Variants in YTHDF3 observed in about 807,000 individuals in gnomAD.
YTHDF3 encodes YTH N6-methyladenosine RNA binding protein F3.
A neutral mutation model predicts 52.5 loss-of-function variants in YTHDF3; 9 were observed. That is an observed-to-expected ratio of 0.17 (90% CI 0.10 to 0.30). The LOEUF is 0.30. YTHDF3 is among the 10% of genes least tolerant of loss of function. The pLI is 1.00. For missense variants in YTHDF3, 534 were observed against 715.0 expected, an observed-to-expected ratio of 0.75 and a Z score of 2.89; for synonymous variants, 274 against 243.3, an observed-to-expected ratio of 1.13 and a Z score of -1.18.
chr8:63,174,771 T>C (rs1563392731), intron 2 of YTHDF3, among the ~76,000 whole-genome samples: 1 of 152,230 alleles, frequency 6.6e-6, no homozygotes, highest in Non-Finnish European at 1.5e-5. Flanking sequence ...TATTTAGATA[T>C]TTCATAATTA....
intron 1 of YTHDF3, 164 bp downstream of exon 1, chr8:63,169,065 G>T: frequency 7.1e-7 from 1 of 1,399,650 alleles, no homozygotes; most frequent in Non-Finnish European, 9.2e-7. Context: ...GTGCGCCCTG[G>T]CCCCGTAGCT....
intron 3 of YTHDF3, among the ~76,000 whole-genome samples, chr8:63,183,324 A>G (rs1467245300): frequency 1.3e-5 from 2 of 152,066 alleles, no homozygotes; most frequent in African/African-American, 4.8e-5. Flanking sequence ...CATTTTTATT[A>G]AACTTTTGAG....
At chr8:63,174,138 G>A (rs554026021) in intron 2 of YTHDF3, among the ~76,000 whole-genome samples, 2 of 152,248 alleles carry the variant, frequency 1.3e-5, no homozygotes, top group South Asian at 2.1e-4. Context: ...ATTTAAACCC[G>A]TCACCCTCCT....
intron 2 of YTHDF3, among the ~76,000 whole-genome samples, chr8:63,170,172 G>T (rs911495754): frequency 6.6e-6 from 1 of 152,082 alleles, no homozygotes; most frequent in African/African-American, 2.4e-5. Context: ...CTGCTTTCTT[G>T]GGATAGTGCC....
At chr8:63,181,801 A>G (rs1289293351) in intron 3 of YTHDF3, among the ~76,000 whole-genome samples, 1 of 152,164 alleles carries the variant, frequency 6.6e-6, no homozygotes, top group Non-Finnish European at 1.5e-5. Flanking sequence ...TATAGCATTC[A>G]TGTTTATTAA....
intron 3 of YTHDF3, among the ~76,000 whole-genome samples, chr8:63,176,687 C>A (rs78802755): frequency 2.5e-4 from 34 of 134,478 alleles, no homozygotes; most frequent in African/African-American, 8.5e-4. Flanking sequence ...TTTTTTTTTT[C>A]TTTAATTTTT....
chr8:63,169,422 A>C lies in YTHDF3; in HGVS notation c.49+11A>C. 7.6e-7 allele frequency: 1 copy of C among 1,308,196 alleles called. No individual in the cohort carries two copies. 81.0% of individuals were successfully genotyped at this position (1,308,196 alleles called of 1,614,324 possible). A position where few individuals can be genotyped will look rare whatever the true frequency, so the allele number is the denominator to read the frequency against. On this transcript the variant is annotated intron_variant, in intron 2 of 4. Coordinates refer to ENST00000539294, the MANE Select transcript of YTHDF3 (RefSeq NM_152758.6). ...GGCAAGGAAATAAAGGTGAGTTTGG[A>C]TTTTTTTTTTTCTTATTGCTCAATG...
At chr8:63,197,128 T>G (rs1177465756) in intron 4 of YTHDF3, among the ~76,000 whole-genome samples, 5 of 152,176 alleles carry the variant, frequency 3.3e-5, no homozygotes, top group African/African-American at 1.2e-4. Flanking sequence ...AAATAAAATT[T>G]CTAGATAGCC....
At chr8:63,203,470 A>C (rs1053832177) in intron 4 of YTHDF3, among the ~76,000 whole-genome samples, 4 of 152,234 alleles carry the variant, frequency 2.6e-5, no homozygotes, top group African/African-American at 7.2e-5. Context: ...GATTTTTAAA[A>C]AACTTTATTT....
intron 3 of YTHDF3, among the ~76,000 whole-genome samples, chr8:63,179,707 A>C (rs1001397372): frequency 1.1e-4 from 17 of 152,178 alleles, no homozygotes; most frequent in African/African-American, 4.1e-4. Flanking sequence ...CATCGCCATC[A>C]TGGCCCGTTC....
intron 4 of YTHDF3, among the ~76,000 whole-genome samples, chr8:63,190,313 T>C (rs749767619): frequency 6.6e-6 from 1 of 152,080 alleles, no homozygotes; most frequent in Non-Finnish European, 1.5e-5. Context: ...TTTTTTTTTT[T>C]CTACCAAACT....
chr8:63,186,787 G>T lies in YTHDF3; in HGVS notation c.776G>T (p.Gly259Val). The change falls in exon 4 of 5, where the codon GGA becomes GTA. Residue 259 changes from glycine to valine, a missense_variant. By Grantham distance (109) the Gly-to-Val change is moderately radical. Coordinates refer to ENST00000539294, the MANE Select transcript of YTHDF3 (RefSeq NM_152758.6). The stretch of plus-strand genomic sequence containing the variant: ...AAACTTAAACCCAAGGGCAATGTGG[G>T]AATTGGGGGTTCTGCTGTACCACCA... Reference protein sequence around the residue: ...QPKLKPKGNVGIGGSAVPPPP... With the variant: ...QPKLKPKGNVVIGGSAVPPPP... The T allele has an allele frequency of 6.2e-7, 1 of 1,613,976 alleles. No homozygotes were observed. The highest frequency in any genetic ancestry group is 1.3e-5 in the African/African-American group (1 of 75,028).
At chr8:63,176,526 C>A (rs10112440) in intron 3 of YTHDF3, among the ~76,000 whole-genome samples, 1 of 151,864 alleles carries the variant, frequency 6.6e-6, no homozygotes, top group East Asian at 1.9e-4. Flanking sequence ...ATGATCCGCC[C>A]GCCTCGGCCT....
At chr8:63,180,448 G>C (rs1295160751) in intron 3 of YTHDF3, among the ~76,000 whole-genome samples, 1 of 149,892 alleles carries the variant, frequency 6.7e-6, no homozygotes, top group African/African-American at 2.5e-5. Flanking sequence ...TCACTTCCTA[G>C]ATGAGATGGC....
At chr8:63,174,305 T>A (rs142457633) in intron 2 of YTHDF3, among the ~76,000 whole-genome samples, 67 of 152,344 alleles carry the variant, frequency 4.4e-4, no homozygotes, top group African/African-American at 1.6e-3. Flanking sequence ...TCATCAAGTA[T>A]TAGCTTAGTA....
At chr8:63,177,757 T>C (rs74782735) in intron 3 of YTHDF3, among the ~76,000 whole-genome samples, 1 of 151,618 alleles carries the variant, frequency 6.6e-6, no homozygotes, top group Non-Finnish European at 1.5e-5. Context: ...GTTCAAACTC[T>C]TATTTTTTTT....
In YTHDF3 at chr8:63,187,949, C is replaced by T. The variant is rs971235931; in HGVS notation, c.1734+204C>T. Among the ~76,000 whole-genome samples, 14 of 152,248 alleles carry T rather than the reference C, an allele frequency of 9.2e-5. No individual in the cohort carries two copies. The East Asian group carries it at 2.7e-3, about 29-fold the overall frequency. ...CCAGGGTAACTCACGCTGAGTTAGC[C>T]TCTTGCTCATTCTTCATACTCCCTA... On this transcript the variant is annotated intron_variant, in intron 4 of 4. Transcript: ENST00000539294.
Position 63,187,166 on chromosome 8 carries a change from A to T in YTHDF3, c.1155A>T (p.Ser385=). Reference sequence around the variant, plus strand: ...TAGGTGTTGTACCTGTCAGTGCTTCACCTTCTAGTGTAGAAGTGCATCCCG... The same window carrying T: ...TAGGTGTTGTACCTGTCAGTGCTTCTCCTTCTAGTGTAGAAGTGCATCCCG... ...FGLGVVPVSA[S]PSSVEVHPVL... Residue 385 remains serine (S), a synonymous_variant, in exon 4 of 5, where the codon TCA becomes TCT. Coordinates refer to ENST00000539294, the MANE Select transcript of YTHDF3 (RefSeq NM_152758.6). 1 of 1,614,000 alleles carries T rather than the reference A, an allele frequency of 6.2e-7. No individual in the cohort carries two copies. Among genetic ancestry groups the T allele is most frequent in the Non-Finnish European group, 8.5e-7 (1 of 1,179,878 alleles).
chr8:63,204,084 TATCAAAG>T (rs1215484255), intron 4 of YTHDF3, among the ~76,000 whole-genome samples: 2 of 152,200 alleles, frequency 1.3e-5, no homozygotes, highest in African/African-American at 2.4e-5. Context: ...CAAAGAGGAA[TATCAAAG>T]ACTTTGTGAC....
Sources: allele counts gnomAD v4.1 joint callset (sites outside exome capture counted in the v4.1 genomes callset), GRCh38; gene constraint gnomAD v4.1.1; transcripts MANE v1.5; gene names NCBI Gene and HGNC (gene_info 2026-07-23, HGNC 2026-07-21).